The following MACROD2 variants were observed in gnomAD, a reference collection of about 807,000 sequenced individuals.
MACROD2 encodes the protein ADP-ribose glycohydrolase MACROD2.
A neutral mutation model predicts 70.4 loss-of-function variants in MACROD2; 36 were observed. That is an observed-to-expected ratio of 0.51 (90% CI 0.39 to 0.68). The LOEUF (loss-of-function observed/expected upper bound fraction) is 0.68, where lower values mean the gene tolerates loss of function less well. Ranked by LOEUF, MACROD2 falls within the 30% of genes least tolerant of loss-of-function variation. The probability of loss-of-function intolerance (pLI) is 0.00; values close to 1 mark genes in which losing one functional copy is unlikely to be tolerated. For synonymous variants in MACROD2, 172 were observed against 178.8 expected (o/e 0.96, Z 0.30); for missense variants, 496 against 538.4 (o/e 0.92, Z 0.78).
intron 8 of MACROD2, among the ~76,000 whole-genome samples, chr20:15,813,881 T>A (rs769252209): frequency 3.3e-5 from 5 of 152,240 alleles, no homozygotes; most frequent in Non-Finnish European, 7.3e-5. Flanking sequence ...GAGTTCACTA[T>A]TACATAAAAC....
At chr20:15,953,129 T>C (rs1296399117) in intron 12 of MACROD2, among the ~76,000 whole-genome samples, 1 of 152,078 alleles carries the variant, frequency 6.6e-6, no homozygotes, top group Non-Finnish European at 1.5e-5. Context: ...AAACACCGCA[T>C]GTTTTCACTC....
intron 5 of MACROD2, among the ~76,000 whole-genome samples, chr20:15,166,855 T>C (rs2076387951): frequency 6.6e-6 from 1 of 151,172 alleles, no homozygotes; most frequent in South Asian, 2.1e-4. Flanking sequence ...AATACTTAAA[T>C]TATTAAATTT....
At chr20:15,824,107 T>A (rs2063970635) in intron 8 of MACROD2, among the ~76,000 whole-genome samples, 1 of 152,150 alleles carries the variant, frequency 6.6e-6, no homozygotes, top group East Asian at 1.9e-4. Context: ...CAGCTGTCAG[T>A]GATGGACTTG....
chr20:15,632,797 C>T (rs2049310013), intron 8 of MACROD2, among the ~76,000 whole-genome samples: 1 of 151,946 alleles, frequency 6.6e-6, no homozygotes, highest in Non-Finnish European at 1.5e-5. Context: ...TTCCTTCCCT[C>T]CTCCCCTGCT....
intron 5 of MACROD2, among the ~76,000 whole-genome samples, chr20:15,033,870 C>T (rs537622171): frequency 1.3e-4 from 20 of 152,316 alleles, no homozygotes; most frequent in African/African-American, 4.8e-4. Flanking sequence ...GTTCAACAGA[C>T]ACAAGGGAGT....
chr20:15,835,954 C>T (rs543519494), intron 8 of MACROD2, among the ~76,000 whole-genome samples: 1 of 152,312 alleles, frequency 6.6e-6, no homozygotes, highest in South Asian at 2.1e-4. Flanking sequence ...TATCTCCCTT[C>T]CCTCCACAAT....
At chr20:15,766,493 C>T (rs1429445182) in intron 8 of MACROD2, among the ~76,000 whole-genome samples, 2 of 152,154 alleles carry the variant, frequency 1.3e-5, no homozygotes, top group Non-Finnish European at 2.9e-5. Context: ...TTATTCTCTC[C>T]TGAAGTTAAT....
At chr20:14,725,824 A>G (rs1307528369) in intron 5 of MACROD2, among the ~76,000 whole-genome samples, 1 of 152,102 alleles carries the variant, frequency 6.6e-6, no homozygotes, top group Non-Finnish European at 1.5e-5. Context: ...CTCTCTGGTG[A>G]GTGAACTCCT....
At chr20:15,675,810 A>G (rs1331338672) in intron 8 of MACROD2, among the ~76,000 whole-genome samples, 1 of 152,184 alleles carries the variant, frequency 6.6e-6, no homozygotes, top group Non-Finnish European at 1.5e-5. Flanking sequence ...CATCTTTGTT[A>G]CATAACCTTC....
At chr20:15,674,385 A>G (rs1240186514) in intron 8 of MACROD2, among the ~76,000 whole-genome samples, 1 of 152,096 alleles carries the variant, frequency 6.6e-6, no homozygotes, top group Admixed American at 6.6e-5. Flanking sequence ...AGGCAGTGCG[A>G]CAGGGAGCAG....
chr20:15,704,190 T>G (rs2050500340), intron 8 of MACROD2, among the ~76,000 whole-genome samples: 1 of 152,162 alleles, frequency 6.6e-6, no homozygotes, highest in Non-Finnish European at 1.5e-5. Context: ...CTAACCACCT[T>G]TTAATGCTCA....
chr20:15,546,566 G>T (rs2048028768), intron 8 of MACROD2, among the ~76,000 whole-genome samples: 1 of 152,104 alleles, frequency 6.6e-6, no homozygotes, highest in Non-Finnish European at 1.5e-5. Context: ...TAAGAATAAA[G>T]AAAATAATTC....
chr20:15,046,145 A>G (rs894002074), intron 5 of MACROD2, among the ~76,000 whole-genome samples: 10 of 152,012 alleles, frequency 6.6e-5, no homozygotes, highest in Admixed American at 2.0e-4. Flanking sequence ...TCCTCCTAGA[A>G]CAATATAGAA....
At chr20:14,158,665 T>G (rs2055139877) in intron 3 of MACROD2, among the ~76,000 whole-genome samples, 1 of 152,148 alleles carries the variant, frequency 6.6e-6, no homozygotes, top group Non-Finnish European at 1.5e-5. Flanking sequence ...TTGAAGAGGG[T>G]GTCCTTTCCC....
intron 6 of MACROD2, among the ~76,000 whole-genome samples, chr20:15,384,721 A>T (rs1041661792): frequency 2.6e-5 from 4 of 152,186 alleles, no homozygotes; most frequent in African/African-American, 7.2e-5. Flanking sequence ...AATAACCAGT[A>T]CATTTTTACA....
intron 4 of MACROD2, among the ~76,000 whole-genome samples, chr20:14,628,221 C>T (rs1475184098): frequency 6.6e-6 from 1 of 152,142 alleles, no homozygotes; most frequent in Non-Finnish European, 1.5e-5. Context: ...CTGTTGGCAT[C>T]TGTGGAGTAA....
chr20:15,471,280 G>C (rs913787588), intron 7 of MACROD2, among the ~76,000 whole-genome samples: 1 of 152,036 alleles, frequency 6.6e-6, no homozygotes, highest in Non-Finnish European at 1.5e-5. Flanking sequence ...TACTCCTAGG[G>C]ATCATCTCTA....
chr20:14,974,344 C>T (rs904247696), intron 5 of MACROD2, among the ~76,000 whole-genome samples: 1 of 152,036 alleles, frequency 6.6e-6, no homozygotes, highest in Non-Finnish European at 1.5e-5. Context: ...ATATGGGTCA[C>T]CATAAAGTTG....
In MACROD2 at chr20:16,022,793, C is replaced by T. The variant is rs111731142; in HGVS notation, c.1154-18408C>T. Among the ~76,000 whole-genome samples, 561 of 152,250 alleles carry T rather than the reference C, an allele frequency of 3.7e-3. 6 individuals are homozygous for T. Among genetic ancestry groups the T allele is most frequent in the African/African-American group, 0.013 (533 of 41,546 alleles). ...GTGTGATGTCCGTTGTTTCCTATAA[C>T]GATTTCAGAGCTATATTATAAGACC... On this transcript the variant is annotated intron_variant, in intron 15 of 17. Transcript: ENST00000684519.
Sources: allele counts gnomAD v4.1 joint callset (sites outside exome capture counted in the v4.1 genomes callset), GRCh38; gene constraint gnomAD v4.1.1; transcripts MANE v1.5; gene names NCBI Gene and HGNC (gene_info 2026-07-23, HGNC 2026-07-21).